Variants in TENM1 observed in about 807,000 individuals in gnomAD.
The protein encoded by TENM1 is teneurin-1.
Under a neutral mutation model 174.8 loss-of-function variants are expected in TENM1, and 35 were observed. The ratio of observed to expected loss-of-function variants is 0.20; its 90% confidence interval spans 0.15 to 0.27. The LOEUF (loss-of-function observed/expected upper bound fraction) is 0.27. TENM1 is among the 10% of genes least tolerant of loss of function. The pLI is 1.00. For synonymous variants in TENM1, 781 were observed against 798.7 expected, an observed-to-expected ratio of 0.98 and a Z score of 0.37; for missense variants, 1,633 against 2,130.1, an observed-to-expected ratio of 0.77 and a Z score of 4.59.
chrX:124,653,117 G>T (rs948882035), intron 7 of TENM1, among the ~76,000 whole-genome samples: 1 of 111,741 alleles, frequency 8.9e-6, no homozygotes, highest in African/African-American at 3.3e-5. Flanking sequence ...AATCATAGAA[G>T]TTTTACACAT....
the TENM1 span, among the ~76,000 whole-genome samples, chrX:125,194,295 A>G: frequency 1.8e-5 from 2 of 111,117 alleles, no homozygotes; most frequent in South Asian, 7.7e-4. Context: ...AAATTAAATC[A>G]ATTTCCGAGA....
intron 1 of TENM1, among the ~76,000 whole-genome samples, chrX:124,925,715 G>C (rs923421292): frequency 8.9e-6 from 1 of 112,404 alleles, no homozygotes; most frequent in Non-Finnish European, 1.9e-5. Flanking sequence ...AACTGAGCCC[G>C]AATGTTCAGC....
At chrX:125,157,525 C>G in the TENM1 span, among the ~76,000 whole-genome samples, 1 of 112,121 alleles carries the variant, frequency 8.9e-6, no homozygotes, top group Non-Finnish European at 1.9e-5. Flanking sequence ...GCACTATACA[C>G]TATGCATGTG....
At chrX:124,489,572 T>C (rs1451820795) in intron 20 of TENM1, among the ~76,000 whole-genome samples, 1 of 111,686 alleles carries the variant, frequency 9.0e-6, no homozygotes, top group East Asian at 2.8e-4. Flanking sequence ...GAATACCTAT[T>C]CTGGATATTT....
the TENM1 span, among the ~76,000 whole-genome samples, chrX:125,005,402 C>T: frequency 2.3e-5 from 2 of 85,685 alleles, no homozygotes; most frequent in East Asian, 3.6e-4. Context: ...TTTGACCTGA[C>T]TTGGTTGTGT....
At chrX:124,759,510 A>T (rs1005291172) in intron 3 of TENM1, among the ~76,000 whole-genome samples, 3 of 110,901 alleles carry the variant, frequency 2.7e-5, no homozygotes, top group African/African-American at 9.9e-5. Context: ...CCACTGTATC[A>T]TTCTTATGTC....
chrX:124,897,600 C>A (rs911131318), intron 1 of TENM1, among the ~76,000 whole-genome samples: 1 of 112,112 alleles, frequency 8.9e-6, no homozygotes, highest in Admixed American at 9.5e-5. Flanking sequence ...TACTTAATAC[C>A]ACTAGGTGCA....
chrX:124,433,331 G>A (rs1170113977), intron 23 of TENM1, among the ~76,000 whole-genome samples: 1 of 111,992 alleles, frequency 8.9e-6, no homozygotes, highest in Admixed American at 9.5e-5. Context: ...GTCTGAAAGA[G>A]ACTGATGCAT....
chrX:124,686,238 A>ATAT (rs751321223), intron 5 of TENM1, among the ~76,000 whole-genome samples: 1 of 111,461 alleles, frequency 9.0e-6, no homozygotes, highest in Non-Finnish European at 1.9e-5. Flanking sequence ...CCAACTGAGA[A>ATAT]TATTATAACT....
chrX:124,602,300 C>T lies in TENM1; in HGVS notation c.2078-36740G>A, dbSNP rs73634518. 5.8e-3 allele frequency among the ~76,000 whole-genome samples: 641 copies of T among 110,291 alleles called. 5 individuals are homozygous for T. The highest frequency in any genetic ancestry group is 0.02 in the African/African-American group (611 of 30,354). On this transcript the variant is annotated intron_variant, in intron 11 of 31. Transcript: ENST00000422452. Reference sequence around the variant, plus strand: ...GTTACCCATTTTATTTATTGGAGTTCAGAAGAAGATTTAACTGGAAGTTTC... The same window carrying T: ...GTTACCCATTTTATTTATTGGAGTTTAGAAGAAGATTTAACTGGAAGTTTC...
intron 22 of TENM1, among the ~76,000 whole-genome samples, chrX:124,479,828 C>A (rs1448484578): frequency 9.0e-6 from 1 of 111,405 alleles, no homozygotes. Flanking sequence ...TGAGACCCAG[C>A]CTAATGTATT....
At chrX:125,151,093 T>C in the TENM1 span, among the ~76,000 whole-genome samples, 1 of 111,950 alleles carries the variant, frequency 8.9e-6, no homozygotes, top group African/African-American at 3.2e-5. Flanking sequence ...AAAATTCCAG[T>C]GGGCCTACAG....
chrX:125,097,202 C>T, the TENM1 span, among the ~76,000 whole-genome samples: 4 of 111,554 alleles, frequency 3.6e-5, no homozygotes, highest in Non-Finnish European at 7.5e-5. Flanking sequence ...TGTGACCTCT[C>T]GCCTGAGAAC....
At chrX:125,196,579 T>C in the TENM1 span, among the ~76,000 whole-genome samples, 1 of 111,609 alleles carries the variant, frequency 9.0e-6, no homozygotes, top group Non-Finnish European at 1.9e-5. Context: ...AAATTCAAAA[T>C]GTTGACCACA....
intron 3 of TENM1, among the ~76,000 whole-genome samples, chrX:124,751,352 G>T (rs2054061855): frequency 9.0e-6 from 1 of 111,456 alleles, no homozygotes; most frequent in Admixed American, 9.5e-5. Flanking sequence ...CACATGTAGG[G>T]ATTTTCCTTC....
At chrX:125,199,929 G>T in the TENM1 span, among the ~76,000 whole-genome samples, 140 of 111,145 alleles carry the variant, frequency 1.3e-3, no homozygotes, top group African/African-American at 4.2e-3. Flanking sequence ...CAATTTTGCT[G>T]GTCTTGCTAA....
intron 21 of TENM1, among the ~76,000 whole-genome samples, chrX:124,485,999 T>C (rs1278392981): frequency 8.9e-6 from 1 of 111,892 alleles, no homozygotes; most frequent in African/African-American, 3.2e-5. Context: ...ATCAATGTTA[T>C]TTTCTTGATA....
At chrX:124,707,744 CA>C (rs911712030) in intron 4 of TENM1, among the ~76,000 whole-genome samples, 2 of 112,265 alleles carry the variant, frequency 1.8e-5, no homozygotes, top group African/African-American at 3.2e-5. Flanking sequence ...GTAGCAGCTC[CA>C]AACCCCCTTG....
chrX:124,800,486 C>A (rs1013379869), intron 3 of TENM1, among the ~76,000 whole-genome samples: 1 of 110,751 alleles, frequency 9.0e-6, no homozygotes, highest in African/African-American at 3.3e-5. Flanking sequence ...ATTCTTCTCT[C>A]TTTTCTTCTT....
Sources: gnomAD v4.1 joint callset for allele counts (sites outside exome capture counted in the v4.1 genomes callset) on GRCh38, gnomAD v4.1.1 for gene constraint, MANE v1.5 for transcripts, NCBI Gene and HGNC (gene_info 2026-07-23, HGNC 2026-07-21) for gene names.